The following CC2D2B variants were observed in gnomAD, a reference collection of about 807,000 sequenced individuals.
The protein encoded by CC2D2B is coiled-coil and C2 domain containing 2B.
In CC2D2B, 128 loss-of-function variants were observed where a neutral mutation model predicts 161.2. That is an observed-to-expected ratio of 0.79 (90% confidence interval 0.69 to 0.92). The LOEUF (loss-of-function observed/expected upper bound fraction) is 0.92, where lower values mean the gene tolerates loss of function less well. CC2D2B is among the 40% of genes least tolerant of loss of function. The pLI is 0.00. For missense variants in CC2D2B, 1,173 were observed against 1,375.1 expected (o/e 0.85, Z 2.32); for synonymous variants, 391 against 449.8 (o/e 0.87, Z 1.65).
intron 12 of CC2D2B, among the ~76,000 whole-genome samples, chr10:95,962,423 C>G (rs1023336449): frequency 6.6e-6 from 1 of 152,066 alleles, no homozygotes; most frequent in Admixed American, 6.6e-5. Context: ...GGATGCTGAG[C>G]AATAGAAACT....
chr10:96,032,865 C>T lies in CC2D2B; in HGVS notation c.*857C>T, dbSNP rs932708110. The T allele has an allele frequency of 1.3e-5, 6 of 446,570 alleles. No homozygotes were observed. Among genetic ancestry groups the T allele is most frequent in the Admixed American group, 5.3e-5 (2 of 37,838 alleles). 27.7% of individuals were successfully genotyped at this position (446,570 alleles called of 1,614,324 possible). A position where few individuals can be genotyped will look rare whatever the true frequency, so the allele number is the denominator to read the frequency against. On this transcript the variant is annotated 3_prime_UTR_variant, in exon 35 of 35. Transcript: ENST00000646931. ...TTTTTCCTTAGTGAGCAGCCCCCAA[C>T]TCTGCCTCTGGCACTTTTTGCTGCT... is the stretch of plus-strand genomic sequence containing the variant.
chr10:96,015,899 T>TA (rs2079178894), intron 29 of CC2D2B, among the ~76,000 whole-genome samples: 1 of 152,216 alleles, frequency 6.6e-6, no homozygotes, highest in Non-Finnish European at 1.5e-5. Context: ...CAGGGCACTT[T>TA]AATATTTGTC....
chr10:95,933,014 C>T (rs2075668493), intron 6 of CC2D2B, among the ~76,000 whole-genome samples: 1 of 152,180 alleles, frequency 6.6e-6, no homozygotes, highest in Non-Finnish European at 1.5e-5. Flanking sequence ...CTTTCAGGTA[C>T]ACCAATCAAA....
At position 95,935,328 on chromosome 10, in the gene CC2D2B, C is replaced by G. The variant is rs188173478; in HGVS notation, c.337-2663C>G. 5.9e-5 allele frequency among the ~76,000 whole-genome samples: 9 copies of G among 152,242 alleles called. No individual in the cohort carries two copies. The East Asian group carries it at 1.7e-3, about 29-fold the overall frequency. ...GTTGGTTCTGCCTTCAAAGTATTCC[C>G]ATATCAGACCCACTTTTCACCAGCC... On this transcript the variant is annotated intron_variant, in intron 6 of 34. Transcript: ENST00000646931.
At chr10:96,023,995 G>A (rs1363591296) in intron 32 of CC2D2B, among the ~76,000 whole-genome samples, 6 of 152,176 alleles carry the variant, frequency 3.9e-5, no homozygotes, top group Admixed American at 3.9e-4. Flanking sequence ...GGGAACATCT[G>A]TTCCTGTCCC....
intron 10 of CC2D2B, among the ~76,000 whole-genome samples, chr10:95,951,312 G>A (rs555396190): frequency 5.3e-5 from 8 of 152,102 alleles, no homozygotes; most frequent in South Asian, 2.1e-4. Flanking sequence ...ATCACACCCA[G>A]CTAAAGTTTT....
At chr10:95,947,082 A>AAAATATATATATATATATATATATATAT (rs1467752343) in intron 9 of CC2D2B, among the ~76,000 whole-genome samples, 1 of 39,484 alleles carries the variant, frequency 2.5e-5, no homozygotes, top group Non-Finnish European at 5.3e-5. Flanking sequence ...TGGACTCAAA[A>AAAATATATATATATATATATATATATAT]ATATATATAT....
intron 22 of CC2D2B, among the ~76,000 whole-genome samples, chr10:95,993,900 A>ATGTGTGTGTGTG (rs1270650458): frequency 5.0e-5 from 2 of 40,078 alleles, no homozygotes; most frequent in Admixed American, 6.1e-4. Context: ...GAGAGAGAGA[A>ATGTGTGTGTGTG]TGTGTGTGTG....
At chr10:95,938,436 GAC>G in intron 7 of CC2D2B, 131 bp from the exon 8 acceptor site, 1 of 601,390 alleles carries the variant, frequency 1.7e-6, no homozygotes, top group Non-Finnish European at 3.0e-6. Flanking sequence ...GAAAGTAAGA[GAC>G]AGTGAGAGAG....
At position 95,990,340 on chromosome 10, in the gene CC2D2B, C is replaced by A. The variant is rs1188624406; in HGVS notation, c.2380-1030C>A. On this transcript the variant is annotated intron_variant, in intron 20 of 34. Transcript: ENST00000646931. ...AGAATCCGGTAAGAAGGTAACACTT[C>A]TGCAAAAGACCTAAAGGAGACAAGG... 2.0e-5 allele frequency among the ~76,000 whole-genome samples: 3 copies of A among 152,244 alleles called. No homozygotes were observed. The East Asian group carries it at 5.8e-4, about 29-fold the overall frequency.
At chr10:95,992,374 AT>A (rs2077992202) in intron 21 of CC2D2B, among the ~76,000 whole-genome samples, 152 bp from the exon 22 acceptor site, 1 of 152,132 alleles carries the variant, frequency 6.6e-6, no homozygotes, top group African/African-American at 2.4e-5. Context: ...TAAGAAAAAT[AT>A]TTCTCCTTGA....
At chr10:95,978,899 T>A (rs1242987658) in intron 17 of CC2D2B, among the ~76,000 whole-genome samples, 2 of 152,218 alleles carry the variant, frequency 1.3e-5, no homozygotes, top group African/African-American at 4.8e-5. Flanking sequence ...TTTTCTTATT[T>A]CATTTTGGCA....
In CC2D2B at chr10:95,922,958, T is replaced by A. The variant is rs868317520; in HGVS notation, c.97+882T>A. Among the ~76,000 whole-genome samples, 801 of 151,704 alleles carry A rather than the reference T, an allele frequency of 5.3e-3. 7 individuals are homozygous for A. The highest frequency in any genetic ancestry group is 0.018 in the African/African-American group (756 of 41,464). On this transcript the variant is annotated intron_variant, in intron 3 of 34. Transcript: ENST00000646931. Reference sequence around the variant, plus strand: ...GGGACTATAGGCATGTATGTTATTTTTTTTTTTTTTTGAGATGGAGTTTTG... The same window carrying A: ...GGGACTATAGGCATGTATGTTATTTATTTTTTTTTTTGAGATGGAGTTTTG...
intron 9 of CC2D2B, among the ~76,000 whole-genome samples, chr10:95,949,514 G>A (rs2076326354): frequency 9.0e-6 from 1 of 111,242 alleles, no homozygotes; most frequent in South Asian, 3.7e-4. Flanking sequence ...TGGTGGGGTC[G>A]GGGGAGGGGG....
At chr10:96,013,662 C>G (rs2079081471) in intron 28 of CC2D2B, 126 bp from the exon 29 acceptor site, 1 of 543,728 alleles carries the variant, frequency 1.8e-6, no homozygotes, top group Non-Finnish European at 3.2e-6. Flanking sequence ...TTCTGTAATA[C>G]TAGAATAATA....
chr10:95,985,158 T>C (rs2077670089), intron 19 of CC2D2B, among the ~76,000 whole-genome samples: 1 of 152,224 alleles, frequency 6.6e-6, no homozygotes, highest in African/African-American at 2.4e-5. Flanking sequence ...AAATGTTCAT[T>C]GATAGGAAGA....
At chr10:96,008,045 C>G (rs897480942) in intron 25 of CC2D2B, among the ~76,000 whole-genome samples, 9 of 152,068 alleles carry the variant, frequency 5.9e-5, no homozygotes, top group African/African-American at 1.9e-4. Flanking sequence ...CCATTACCCT[C>G]AAAAGTATCC....
rs968796184 is a variant in CC2D2B, at chr10:95,995,279, A to G, written c.2653A>G (p.Met885Val). ...TTGTTTTTCCTGAAGATCCTTGGAT[A>G]TGCCTACTTGTTTGAAATCATCTAT... ...RKTTINGSLD[M>V]PTCLKSSISC... Residue 885 changes from methionine (M) to valine (V), a missense_variant, in exon 23 of 35, where the codon ATG becomes GTG. Physicochemically the swap from Met to Val is conservative, Grantham distance 21. Coordinates refer to ENST00000646931, the MANE Select transcript of CC2D2B (RefSeq NM_001349008.3). 2 of 1,520,032 alleles carry G rather than the reference A, an allele frequency of 1.3e-6. No homozygotes were observed. Among genetic ancestry groups the G allele is most frequent in the African/African-American group, 1.4e-5 (1 of 72,336 alleles). 94.2% of individuals were successfully genotyped at this position (1,520,032 alleles called of 1,614,324 possible). A position where few individuals can be genotyped will look rare whatever the true frequency, so the allele number is the denominator to read the frequency against.
At chr10:96,001,362 T>G (rs935521644) in intron 24 of CC2D2B, among the ~76,000 whole-genome samples, 1 of 152,182 alleles carries the variant, frequency 6.6e-6, no homozygotes, top group Non-Finnish European at 1.5e-5. Flanking sequence ...TTTTATATTT[T>G]TTTATAATTT....
Sources: gnomAD v4.1 joint callset for allele counts (sites outside exome capture counted in the v4.1 genomes callset) on GRCh38, gnomAD v4.1.1 for gene constraint, MANE v1.5 for transcripts, NCBI Gene and HGNC (gene_info 2026-07-23, HGNC 2026-07-21) for gene names.